PIGN: variants seen among roughly 807,000 people sequenced by gnomAD.
PIGN encodes GPI ethanolamine phosphate transferase 1.
A neutral mutation model predicts 125.4 loss-of-function variants in PIGN; 117 were observed. The observed-to-expected ratio is 0.93, with a 90% CI of 0.80 to 1.09. The LOEUF (loss-of-function observed/expected upper bound fraction) is 1.09. PIGN is among the 50% of genes least tolerant of loss of function. The pLI, the probability that PIGN is intolerant of heterozygous loss-of-function variation, is 0.00. For missense variants in PIGN, 1,075 were observed against 1,094.9 expected (o/e 0.98, Z 0.26); for synonymous variants, 392 against 377.8 (o/e 1.04, Z -0.44).
In PIGN at chr18:62,143,295, G is replaced by A. The variant is rs186152849; in HGVS notation, c.963+11C>T. 284 of 1,433,856 alleles carry A rather than the reference G, an allele frequency of 2.0e-4. No individual in the cohort carries two copies. In the African/African-American group the frequency reaches 3.0e-3, roughly 15 times the overall value. 88.8% of individuals were successfully genotyped at this position (1,433,856 alleles called of 1,614,324 possible). On this transcript the variant is annotated intron_variant, in intron 11 of 30. Coordinates refer to ENST00000640252, the MANE Select transcript of PIGN (RefSeq NM_176787.5). ...AATTAAATTTGAATGTAATAAAATC[G>A]AACTGGATACCTGATTGACATCTAG...
At position 62,155,893 on chromosome 18, in the gene PIGN, C is replaced by G. The variant is rs182371046; in HGVS notation, c.442+1236G>C. Among the ~76,000 whole-genome samples, 143 of 152,270 alleles carry G rather than the reference C, an allele frequency of 9.4e-4. 1 individual carries two copies. The highest frequency in any genetic ancestry group is 3.1e-3 in the African/African-American group (128 of 41,568). ...AAGAAGGCAATATATAAATGGCAAA[C>G]AGTTTGGGGCTTTTTGGTCCGCCCA... On this transcript the variant is annotated intron_variant, in intron 6 of 30. Transcript: ENST00000640252.
chr18:62,019,046 G>A (rs1457473582), intron 23 of PIGN, among the ~76,000 whole-genome samples: 1 of 152,094 alleles, frequency 6.6e-6, no homozygotes, highest in Non-Finnish European at 1.5e-5. Flanking sequence ...TGGCTCTACT[G>A]AAAATTAAAA....
chr18:62,071,516 T>G (rs2032843256), intron 30 of PIGN, among the ~76,000 whole-genome samples: 1 of 152,180 alleles, frequency 6.6e-6, no homozygotes, highest in Admixed American at 6.5e-5. Flanking sequence ...ACTAAGATAC[T>G]AAGTTTTAAT....
intron 30 of PIGN, among the ~76,000 whole-genome samples, chr18:62,064,201 C>G (rs2032369972): frequency 6.6e-6 from 1 of 152,158 alleles, no homozygotes; most frequent in African/African-American, 2.4e-5. Flanking sequence ...TTTTTATAAC[C>G]CTTAACCACA....
chr18:62,063,291 A>ATCCAAAATCTAT (rs2032303322), intron 30 of PIGN, among the ~76,000 whole-genome samples: 2 of 145,064 alleles, frequency 1.4e-5, no homozygotes, highest in Non-Finnish European at 3.0e-5. Context: ...TATAGATTTT[A>ATCCAAAATCTAT]GCCAAAATCT....
chr18:62,067,608 CTATAA>C (rs2032598421), intron 30 of PIGN, among the ~76,000 whole-genome samples: 1 of 152,168 alleles, frequency 6.6e-6, no homozygotes, highest in Non-Finnish European at 1.5e-5. Context: ...TTCTTTAACT[CTATAA>C]AGTATCTGAT....
chr18:62,071,557 C>T lies in PIGN; in HGVS notation c.2672+1116G>A, dbSNP rs767414123. On this transcript the variant is annotated intron_variant, in intron 30 of 30. Coordinates refer to ENST00000640252, the MANE Select transcript of PIGN (RefSeq NM_176787.5). ...TTTACTGCACTATTAAGAACTTCTG[C>T]GTGAGTGTAGTCATGCACCACATAA... is the stretch of plus-strand genomic sequence containing the variant. Among the ~76,000 whole-genome samples, 8 of 152,070 alleles carry T rather than the reference C, an allele frequency of 5.3e-5. No individual in the cohort carries two copies. The East Asian group carries it at 5.8e-4, about 11-fold the overall frequency.
At chr18:62,178,832 G>A (rs1311942320) in intron 1 of PIGN, among the ~76,000 whole-genome samples, 1 of 152,114 alleles carries the variant, frequency 6.6e-6, no homozygotes, top group Admixed American at 6.5e-5. Context: ...ATGGCAAGTA[G>A]ACTAGAGGTT....
chr18:62,095,005 G>A (rs2034118323), intron 23 of PIGN, among the ~76,000 whole-genome samples: 1 of 152,158 alleles, frequency 6.6e-6, no homozygotes, highest in South Asian at 2.1e-4. Flanking sequence ...CCAAAAGGGA[G>A]AACCTGAGCC....
chr18:62,186,662 AAAAG>A (rs1308720185), intron 1 of PIGN, among the ~76,000 whole-genome samples, 178 bp downstream of exon 1: 1 of 152,152 alleles, frequency 6.6e-6, no homozygotes, highest in Non-Finnish European at 1.5e-5. Context: ...CAGAGAAGGG[AAAAG>A]AAAGGAAGTC....
chr18:62,121,229 G>T (rs986439235), intron 14 of PIGN, among the ~76,000 whole-genome samples: 2 of 152,122 alleles, frequency 1.3e-5, no homozygotes, highest in Admixed American at 6.5e-5. Flanking sequence ...TACAATAGCA[G>T]CCAGCAGTGT....
downstream of PIGN, among the ~76,000 whole-genome samples, chr18:62,040,047 A>G (rs9964545): frequency 3.8e-3 from 163 of 42,904 alleles, no homozygotes; most frequent in Admixed American, 7.3e-3. Flanking sequence ...CCCCATCCAG[A>G]GTGCCGCACC....
At chr18:62,074,753 A>G in intron 29 of PIGN, 26 bp downstream of exon 29, 1 of 1,477,484 alleles carries the variant, frequency 6.8e-7, no homozygotes, top group South Asian at 1.2e-5. Flanking sequence ...AATCTAATTT[A>G]TATGGACTAC....
chr18:62,123,832 CA>C (rs60079404), intron 14 of PIGN, among the ~76,000 whole-genome samples: 1 of 151,610 alleles, frequency 6.6e-6, no homozygotes, highest in African/African-American at 2.4e-5. Context: ...TACTGGAATG[CA>C]GACAATAGGA....
intron 30 of PIGN, among the ~76,000 whole-genome samples, chr18:62,063,619 C>G (rs1257625369): frequency 6.7e-6 from 1 of 149,522 alleles, no homozygotes. Context: ...ACCTGTAAGT[C>G]CCCTAATTGA....
At chr18:62,158,287 G>A (rs913778938) in intron 4 of PIGN, among the ~76,000 whole-genome samples, 1 of 152,154 alleles carries the variant, frequency 6.6e-6, no homozygotes, top group African/African-American at 2.4e-5. Context: ...TGTGGTGCAG[G>A]TGGCAGAGGG....
intron 23 of PIGN, among the ~76,000 whole-genome samples, chr18:62,026,332 A>C (rs2030117916): frequency 6.6e-6 from 1 of 152,230 alleles, no homozygotes; most frequent in Admixed American, 6.5e-5. Context: ...GGCAGAAAAA[A>C]AAAAGAACGG....
intron 5 of PIGN, 89 bp from the exon 6 acceptor site, chr18:62,157,316 T>G (rs1031052895): frequency 6.1e-5 from 39 of 635,758 alleles, no homozygotes; most frequent in Non-Finnish European, 9.5e-5. Flanking sequence ...ACAATTACAT[T>G]AGTCAGTGAA....
intron 14 of PIGN, among the ~76,000 whole-genome samples, chr18:62,116,953 C>A (rs921672590): frequency 1.3e-5 from 2 of 151,824 alleles, no homozygotes; most frequent in Admixed American, 6.6e-5. Context: ...GAAAAAAATT[C>A]TTAAGGAGAA....
Sources: allele counts gnomAD v4.1 joint callset (sites outside exome capture counted in the v4.1 genomes callset), GRCh38; gene constraint gnomAD v4.1.1; transcripts MANE v1.5; gene names NCBI Gene and HGNC (gene_info 2026-07-23, HGNC 2026-07-21).